Variants in KIAA1217 observed in about 807,000 individuals in gnomAD.
The protein encoded by KIAA1217 is sickle tail protein homolog.
In KIAA1217, 88 loss-of-function variants were observed where a neutral mutation model predicts 163.9. The observed-to-expected ratio is 0.54, with a 90% CI of 0.45 to 0.64. KIAA1217 has a LOEUF of 0.64. Ranked by LOEUF, KIAA1217 falls within the 30% of genes least tolerant of loss-of-function variation. KIAA1217 has a pLI of 0.00. For missense variants in KIAA1217, 2,372 were observed against 2,475.0 expected (o/e 0.96, Z 0.88); for synonymous variants, 903 against 923.1 (o/e 0.98, Z 0.39).
chr10:24,164,236 G>GAT (rs2065242309), intron 2 of KIAA1217, among the ~76,000 whole-genome samples: 1 of 152,198 alleles, frequency 6.6e-6, no homozygotes, highest in African/African-American at 2.4e-5. Context: ...GAGATGAACA[G>GAT]GCTTCCGCCC....
intron 2 of KIAA1217, among the ~76,000 whole-genome samples, chr10:24,305,158 C>T (rs1025041151): frequency 6.6e-6 from 1 of 152,120 alleles, no homozygotes; most frequent in African/African-American, 2.4e-5. Flanking sequence ...AAAGCAGAAA[C>T]ATTGGTGATG....
chr10:24,484,789 G>A (rs1322841945), intron 6 of KIAA1217, among the ~76,000 whole-genome samples: 1 of 152,128 alleles, frequency 6.6e-6, no homozygotes, highest in Non-Finnish European at 1.5e-5. Context: ...GTACTGGACA[G>A]TTTTCTATGA....
Position 24,342,954 on chromosome 10 carries a change from G to C in KIAA1217, c.355-37915G>C, listed in dbSNP as rs529440052. Among the ~76,000 whole-genome samples the C allele has an allele frequency of 4.4e-4, 67 of 152,204 alleles. 1 individual carries two copies. Among genetic ancestry groups the C allele is most frequent in the Middle Eastern group, 6.8e-3 (2 of 294 alleles). On this transcript the variant is annotated intron_variant, in intron 2 of 20. Transcript: ENST00000376454. ...TTACAGGCGTGAGCCACTGCACCCGGCCGACTCAGTTTTTAATGATTACAT... is the reference window on the plus strand; with the variant it reads ...TTACAGGCGTGAGCCACTGCACCCGCCCGACTCAGTTTTTAATGATTACAT...
chr10:23,794,433 A>C (rs772585981), intron 1 of KIAA1217, among the ~76,000 whole-genome samples: 4 of 152,198 alleles, frequency 2.6e-5, no homozygotes, highest in Non-Finnish European at 5.9e-5. Context: ...GCAAAGCTCA[A>C]GTTTTCACTA....
intron 1 of KIAA1217, among the ~76,000 whole-genome samples, chr10:23,764,936 A>T (rs996269494): frequency 6.6e-6 from 1 of 152,174 alleles, no homozygotes. Context: ...CGTCTGTATT[A>T]GTCTGTTGTT....
intron 5 of KIAA1217, among the ~76,000 whole-genome samples, chr10:24,438,708 A>T (rs983124246): frequency 2.6e-5 from 4 of 152,212 alleles, no homozygotes; most frequent in Admixed American, 2.6e-4. Context: ...ATCTTTAAGC[A>T]AGGAGTTATG....
Position 24,436,007 on chromosome 10 carries a change from T to C in KIAA1217, c.753-2379T>C, listed in dbSNP as rs748106037. 1.1e-3 allele frequency among the ~76,000 whole-genome samples: 166 copies of C among 151,968 alleles called. 2 individuals carry two copies. Among genetic ancestry groups the C allele is most frequent in the Non-Finnish European group, 2.1e-3 (141 of 67,952 alleles). ...TCCCGAGTAGCTGGGACTACAGGTGTGCGCCACCACGCCAGGCTAATTTTT... is the reference window on the plus strand; with the variant it reads ...TCCCGAGTAGCTGGGACTACAGGTGCGCGCCACCACGCCAGGCTAATTTTT... On this transcript the variant is annotated intron_variant, in intron 4 of 20. Transcript: ENST00000376454.
chr10:24,158,124 C>G (rs1197711572), intron 2 of KIAA1217: 1 of 754,258 alleles, frequency 1.3e-6, no homozygotes, highest in Non-Finnish European at 2.5e-6. Flanking sequence ...GATGACATTT[C>G]TAGCCTGGGA....
At chr10:24,089,653 G>C (rs1042435064) in intron 2 of KIAA1217, among the ~76,000 whole-genome samples, 1 of 151,788 alleles carries the variant, frequency 6.6e-6, no homozygotes, top group African/African-American at 2.4e-5. Flanking sequence ...CCATTGGTCT[G>C]TATCTCTGTT....
chr10:24,199,855 TA>T (rs1384147889), intron 2 of KIAA1217, among the ~76,000 whole-genome samples: 1 of 151,326 alleles, frequency 6.6e-6, no homozygotes, highest in African/African-American at 2.4e-5. Flanking sequence ...CTTGGGTTAT[TA>T]TTTATATTTG....
chr10:23,895,142 G>C (rs1379536718), intron 1 of KIAA1217, among the ~76,000 whole-genome samples: 27 of 151,956 alleles, frequency 1.8e-4, no homozygotes, highest in Non-Finnish European at 4.4e-5. Context: ...TTGACAAATG[G>C]GATCTCATTA....
intron 2 of KIAA1217, among the ~76,000 whole-genome samples, chr10:24,284,482 G>A (rs914198648): frequency 1.1e-4 from 16 of 152,136 alleles, no homozygotes; most frequent in African/African-American, 3.9e-4. Context: ...TATGATATCT[G>A]ATTTTATTTC....
chr10:23,858,555 GA>G (rs1164529264), intron 1 of KIAA1217, among the ~76,000 whole-genome samples: 2 of 151,558 alleles, frequency 1.3e-5, no homozygotes, highest in Non-Finnish European at 2.9e-5. Context: ...ATCATTGCTT[GA>G]ATTCTTGCTT....
chr10:24,463,464 A>T (rs1280518013), intron 5 of KIAA1217, among the ~76,000 whole-genome samples: 1 of 152,226 alleles, frequency 6.6e-6, no homozygotes, highest in Non-Finnish European at 1.5e-5. Flanking sequence ...CATGTCTGGG[A>T]GACATTCCGT....
intron 2 of KIAA1217, among the ~76,000 whole-genome samples, chr10:24,177,159 G>A (rs1164614032): frequency 6.7e-6 from 1 of 150,164 alleles, no homozygotes; most frequent in African/African-American, 2.5e-5. Context: ...GTGCAGCAGT[G>A]GGCTAAAGGG....
chr10:23,833,887 T>TA (rs1191275222), intron 1 of KIAA1217, among the ~76,000 whole-genome samples: 3 of 152,054 alleles, frequency 2.0e-5, no homozygotes, highest in African/African-American at 7.2e-5. Flanking sequence ...AACAGATCTT[T>TA]AAAAAATCTG....
chr10:24,279,282 T>A (rs116770197), intron 2 of KIAA1217, among the ~76,000 whole-genome samples: 1 of 151,426 alleles, frequency 6.6e-6, no homozygotes, highest in East Asian at 1.9e-4. Flanking sequence ...TTGTTTGTTT[T>A]TTTTTTTAAA....
chr10:24,132,996 G>T (rs1325891938), intron 2 of KIAA1217, among the ~76,000 whole-genome samples: 1 of 151,876 alleles, frequency 6.6e-6, no homozygotes, highest in Non-Finnish European at 1.5e-5. Context: ...AAGGAAAGTT[G>T]TTGCTGGTTG....
chr10:23,795,446 A>C (rs1257728988), intron 1 of KIAA1217, among the ~76,000 whole-genome samples: 1 of 152,210 alleles, frequency 6.6e-6, no homozygotes, highest in African/African-American at 2.4e-5. Flanking sequence ...AGCAAAGAAA[A>C]TGGGCTGCTA....
Sources: gnomAD v4.1 joint callset for allele counts (sites outside exome capture counted in the v4.1 genomes callset) on GRCh38, gnomAD v4.1.1 for gene constraint, MANE v1.5 for transcripts, NCBI Gene and HGNC (gene_info 2026-07-23, HGNC 2026-07-21) for gene names.